The following KAZN variants were observed in gnomAD, a reference collection of about 807,000 sequenced individuals.
The protein encoded by KAZN is kazrin, periplakin interacting protein.
KAZN carries 40 observed loss-of-function variants against 87.4 expected under a neutral mutation model. The ratio of observed to expected loss-of-function variants is 0.46; its 90% confidence interval spans 0.36 to 0.60. The LOEUF (loss-of-function observed/expected upper bound fraction) is 0.60, where lower values mean the gene tolerates loss of function less well. KAZN is among the 20% of genes least tolerant of loss of function. The pLI is 0.00. For missense variants in KAZN, 898 were observed against 1,073.9 expected (o/e 0.84, Z 2.29); for synonymous variants, 466 against 458.3 (o/e 1.02, Z -0.22).
chr1:14,383,617 G>C (rs1373485131), intron 2 of KAZN, among the ~76,000 whole-genome samples: 5 of 151,954 alleles, frequency 3.3e-5, no homozygotes, highest in Admixed American at 6.6e-5. Flanking sequence ...TCAAAGATCA[G>C]ATAGTTGTAG....
At chr1:14,086,201 T>A (rs1201878652) in intron 1 of KAZN, among the ~76,000 whole-genome samples, 1 of 70,058 alleles carries the variant, frequency 1.4e-5, no homozygotes, top group East Asian at 2.5e-4. Flanking sequence ...TTTGGTTTGG[T>A]TTATTTTAAG....
chr1:14,681,652 TATATA>T (rs1302447942), intron 1 of KAZN, among the ~76,000 whole-genome samples: 5 of 11,784 alleles, frequency 4.2e-4, no homozygotes, highest in Non-Finnish European at 5.2e-4. Context: ...TATATATATA[TATATA>T]TTTTTTTTTT....
chr1:14,268,621 T>C (rs992721860), intron 2 of KAZN, among the ~76,000 whole-genome samples: 2 of 152,170 alleles, frequency 1.3e-5, no homozygotes, highest in Non-Finnish European at 2.9e-5. Context: ...GGTGATAATT[T>C]CCCTCTCCAG....
intron 13 of KAZN, among the ~76,000 whole-genome samples, chr1:15,110,899 G>C (rs1288070032): frequency 6.6e-6 from 1 of 152,370 alleles, no homozygotes; most frequent in Non-Finnish European, 1.5e-5. Context: ...TTATTTGACT[G>C]CTAGTGTTCC....
intron 2 of KAZN, among the ~76,000 whole-genome samples, chr1:14,208,507 C>A (rs1646788672): frequency 6.6e-6 from 1 of 152,066 alleles, no homozygotes; most frequent in Non-Finnish European, 1.5e-5. Context: ...TGAAAAAAAG[C>A]CGGTAGTCTC....
intron 1 of KAZN, among the ~76,000 whole-genome samples, chr1:14,135,500 A>G (rs1645088779): frequency 6.6e-6 from 1 of 152,216 alleles, no homozygotes; most frequent in African/African-American, 2.4e-5. Context: ...AATTTAGATG[A>G]TCAAAGATTT....
intron 2 of KAZN, among the ~76,000 whole-genome samples, chr1:14,351,539 C>T (rs984652978): frequency 2.6e-5 from 4 of 152,144 alleles, no homozygotes; most frequent in African/African-American, 9.7e-5. Flanking sequence ...AGCCTGGCGA[C>T]AGAGCTAGAC....
chr1:14,632,732 C>T (rs775280577), intron 1 of KAZN, among the ~76,000 whole-genome samples: 1 of 151,948 alleles, frequency 6.6e-6, no homozygotes, highest in Non-Finnish European at 1.5e-5. Context: ...GGCAGAAATC[C>T]GCTTGTTTGA....
At chr1:14,295,442 GAC>G (rs2100760366) in intron 2 of KAZN, among the ~76,000 whole-genome samples, 1 of 151,990 alleles carries the variant, frequency 6.6e-6, no homozygotes, top group East Asian at 1.9e-4. Flanking sequence ...GAAAGACAAG[GAC>G]ACACACACCC....
At chr1:14,447,473 C>T (rs564213903) in intron 2 of KAZN, among the ~76,000 whole-genome samples, 59 of 152,026 alleles carry the variant, frequency 3.9e-4, no homozygotes, top group African/African-American at 1.2e-3. Context: ...TCTTTTCACT[C>T]GGTGATCCAC....
chr1:14,946,133 C>T (rs1363490068), intron 1 of KAZN: 1 of 154,480 alleles, frequency 6.5e-6, no homozygotes, highest in African/African-American at 2.4e-5. Context: ...CATCCAGTTC[C>T]AGAACCACTG....
chr1:14,839,617 T>C (rs746088080), intron 1 of KAZN, among the ~76,000 whole-genome samples: 3 of 152,170 alleles, frequency 2.0e-5, no homozygotes, highest in Non-Finnish European at 4.4e-5. Context: ...GCAGAGCTCA[T>C]AATCTCATCT....
intron 1 of KAZN, among the ~76,000 whole-genome samples, chr1:14,680,041 G>A (rs112270486): frequency 2.0e-5 from 3 of 152,154 alleles, no homozygotes; most frequent in African/African-American, 4.8e-5. Context: ...TTTAAAGCCG[G>A]CAGATGCTGG....
chr1:14,754,260 C>T (rs950380781), intron 1 of KAZN, among the ~76,000 whole-genome samples: 1 of 152,094 alleles, frequency 6.6e-6, no homozygotes, highest in East Asian at 1.9e-4. Flanking sequence ...AGTGGGGAGG[C>T]CAGTGGAGGG....
intron 1 of KAZN, among the ~76,000 whole-genome samples, chr1:14,814,165 A>T (rs902783589): frequency 6.6e-6 from 1 of 152,202 alleles, no homozygotes; most frequent in Non-Finnish European, 1.5e-5. Flanking sequence ...GAAGCCAACA[A>T]CTTCCCTTGG....
intron 2 of KAZN, among the ~76,000 whole-genome samples, chr1:14,465,271 C>T (rs561304758): frequency 4.0e-5 from 6 of 151,784 alleles, no homozygotes; most frequent in South Asian, 2.1e-4. Context: ...TGGTGGAGGG[C>T]GCCTGTAGTC....
chr1:15,059,545 A>T (rs1035218114), intron 5 of KAZN, among the ~76,000 whole-genome samples: 5 of 152,194 alleles, frequency 3.3e-5, no homozygotes, highest in Admixed American at 2.0e-4. Flanking sequence ...AGCGCGACCC[A>T]CCGGGAGGCC....
rs56725513 is a variant in KAZN, at chr1:14,986,002, CAAAA to C, written c.418+25146_418+25149del. On this transcript the variant is annotated intron_variant, in intron 2 of 14. Transcript: ENST00000376030. ...TGGGCGACAGAGCCAGACTCTGTCT[CAAAA>C]AAAAAAAAAAAAAAAAAAGGAAAGA... Among the ~76,000 whole-genome samples, 13 of 56,746 alleles carry C rather than the reference CAAAA, an allele frequency of 2.3e-4. No homozygotes were observed. The East Asian group carries it at 2.4e-3, about 10-fold the overall frequency. The allele number at this position is 56,746 out of a possible 152,430, so 37.2% of individuals were successfully genotyped here.
chr1:14,262,808 G>T (rs1241134071), intron 2 of KAZN, among the ~76,000 whole-genome samples: 1 of 152,198 alleles, frequency 6.6e-6, no homozygotes, highest in Non-Finnish European at 1.5e-5. Flanking sequence ...GTTACAAGAA[G>T]CCATAATGAA....
Sources: allele counts gnomAD v4.1 joint callset (sites outside exome capture counted in the v4.1 genomes callset), GRCh38; gene constraint gnomAD v4.1.1; transcripts MANE v1.5; gene names NCBI Gene and HGNC (gene_info 2026-07-23, HGNC 2026-07-21).